The following ATF2 variants were observed in gnomAD, a reference collection of about 807,000 sequenced individuals.
ATF2 encodes the protein cyclic AMP-dependent transcription factor ATF-2.
ATF2 carries 24 observed loss-of-function variants against 60.6 expected under a neutral mutation model. That is an observed-to-expected ratio of 0.40 (90% confidence interval 0.29 to 0.56). ATF2 has a LOEUF of 0.56. Among genes scored for constraint, ATF2 ranks in the 20% least tolerant of loss-of-function variants. The pLI is 0.54. For synonymous variants in ATF2, 206 were observed against 215.4 expected (o/e 0.96, Z 0.38); for missense variants, 433 against 607.7 (o/e 0.71, Z 3.02).
chr2:175,141,084 TACAC>T (rs150440606), intron 2 of ATF2, among the ~76,000 whole-genome samples: 5 of 133,586 alleles, frequency 3.7e-5, no homozygotes, highest in Non-Finnish European at 6.3e-5. Context: ...TATATATGTA[TACAC>T]ACACACACAC....
intron 10 of ATF2, among the ~76,000 whole-genome samples, chr2:175,103,818 G>A (rs537076437): frequency 3.9e-4 from 60 of 152,172 alleles, no homozygotes; most frequent in Non-Finnish European, 6.6e-4. Context: ...TGTTTTATTA[G>A]AAGAGTAATA....
At chr2:175,163,637 T>C (rs1203778621) in intron 1 of ATF2, among the ~76,000 whole-genome samples, 1 of 137,310 alleles carries the variant, frequency 7.3e-6, no homozygotes, top group Non-Finnish European at 1.5e-5. Flanking sequence ...AAAAAATCAA[T>C]AAACATACTT....
chr2:175,138,770 CTA>C (rs2105774173), intron 2 of ATF2, among the ~76,000 whole-genome samples: 1 of 152,326 alleles, frequency 6.6e-6, no homozygotes, highest in African/African-American at 2.4e-5. Context: ...CTTCCACAAG[CTA>C]TGTTGTTTAT....
At chr2:175,110,368 A>G (rs191523230) in intron 10 of ATF2, among the ~76,000 whole-genome samples, 7 of 152,256 alleles carry the variant, frequency 4.6e-5, no homozygotes, top group Admixed American at 3.9e-4. Context: ...TCAGCTCTGC[A>G]ATATGTTTTA....
intron 4 of ATF2, among the ~76,000 whole-genome samples, chr2:175,127,624 T>C (rs1228868866): frequency 6.6e-6 from 1 of 152,202 alleles, no homozygotes; most frequent in African/African-American, 2.4e-5. Context: ...TCTCTGTTGG[T>C]CATTATATGC....
chr2:175,085,549 A>C (rs912264687), intron 12 of ATF2, among the ~76,000 whole-genome samples: 5 of 74,864 alleles, frequency 6.7e-5, no homozygotes, highest in African/African-American at 2.7e-4. Flanking sequence ...ATAAATACAT[A>C]ACATACACAC....
chr2:175,109,181 A>AT (rs1270043175), intron 10 of ATF2, among the ~76,000 whole-genome samples: 3 of 150,814 alleles, frequency 2.0e-5, no homozygotes, highest in East Asian at 3.9e-4. Context: ...AAAAAAAAAA[A>AT]AAAAAAAAAA....
chr2:175,120,562 A>G (rs1190973537), intron 5 of ATF2, among the ~76,000 whole-genome samples: 1 of 151,686 alleles, frequency 6.6e-6, no homozygotes, highest in Non-Finnish European at 1.5e-5. Flanking sequence ...TAATAATTTA[A>G]AAGTATTACA....
chr2:175,093,009 T>C, intron 12 of ATF2, 52 bp downstream of exon 12: 1 of 1,577,782 alleles, frequency 6.3e-7, no homozygotes, highest in African/African-American at 1.4e-5. Flanking sequence ...AAAATCTATG[T>C]TCACAATTAT....
intron 10 of ATF2, among the ~76,000 whole-genome samples, chr2:175,105,510 C>G (rs1318967773): frequency 6.6e-6 from 1 of 152,098 alleles, no homozygotes; most frequent in African/African-American, 2.4e-5. Flanking sequence ...TATTGAATTT[C>G]TTAGAACCCA....
At chr2:175,115,252 T>C (rs1256059003) in intron 7 of ATF2, among the ~76,000 whole-genome samples, 1 of 152,140 alleles carries the variant, frequency 6.6e-6, no homozygotes, top group Non-Finnish European at 1.5e-5. Flanking sequence ...TCCCTCATTA[T>C]ACTGTATGAA....
At position 175,084,919 on chromosome 2, in the gene ATF2, C is replaced by T. The variant is rs570494494; in HGVS notation, c.1186-4154G>A. 1.4e-4 allele frequency among the ~76,000 whole-genome samples: 21 copies of T among 151,994 alleles called. No individual in the cohort carries two copies. In the South Asian group the frequency reaches 3.9e-3, roughly 29 times the overall value. On this transcript the variant is annotated intron_variant, in intron 12 of 13. Coordinates refer to ENST00000264110, the MANE Select transcript of ATF2 (RefSeq NM_001880.4). ...GACAGACATATTTTAGAGAGGACCA[C>T]GTAATTCTATGTCTAGGAGGTAAAA...
In ATF2 at chr2:175,072,758, AAAT is replaced by A. The variant is rs1457047897; in HGVS notation, c.*1848_*1850del. ...ATGATTTGAAAAACTGATTACTTTA[AAAT>A]AATGAAATTAGTTAAAAATTAAAAA... On this transcript the variant is annotated 3_prime_UTR_variant, in exon 14 of 14. Transcript: ENST00000264110. 1 of 152,136 alleles carries A rather than the reference AAAT, an allele frequency of 6.6e-6. No homozygotes were observed. Among genetic ancestry groups the A allele is most frequent in the African/African-American group, 2.4e-5 (1 of 41,444 alleles). 9.4% of individuals were successfully genotyped at this position (152,136 alleles called of 1,614,324 possible). A position where few individuals can be genotyped will look rare whatever the true frequency, so the allele number is the denominator to read the frequency against.
At chr2:175,088,986 A>G (rs545372300) in intron 12 of ATF2, among the ~76,000 whole-genome samples, 4 of 152,256 alleles carry the variant, frequency 2.6e-5, no homozygotes, top group South Asian at 2.1e-4. Context: ...GTTCGAGACC[A>G]GCCTGACCAA....
At chr2:175,128,685 A>C (rs1697520720) in intron 4 of ATF2, among the ~76,000 whole-genome samples, 1 of 152,144 alleles carries the variant, frequency 6.6e-6, no homozygotes, top group South Asian at 2.1e-4. Context: ...TAAGAGGAAA[A>C]AAATTAATAC....
chr2:175,115,337 A>G (rs1696479843), intron 7 of ATF2, among the ~76,000 whole-genome samples: 1 of 152,172 alleles, frequency 6.6e-6, no homozygotes, highest in Admixed American at 6.5e-5. Flanking sequence ...TTAGAGCAAT[A>G]CAAATAATTG....
Position 175,130,614 on chromosome 2 carries a change from G to T in ATF2, c.33-407C>A, listed in dbSNP as rs116253118. On this transcript the variant is annotated intron_variant, in intron 3 of 13. Coordinates refer to ENST00000264110, the MANE Select transcript of ATF2 (RefSeq NM_001880.4). The stretch of plus-strand genomic sequence containing the variant: ...AGTCCTATATTCTAGTGGAATATTT[G>T]TATCTATTGGCTTAAACATTTCTAC... Among the ~76,000 whole-genome samples the T allele has an allele frequency of 5.1e-3, 769 of 152,214 alleles. 4 individuals are homozygous for T. Among genetic ancestry groups the T allele is most frequent in the African/African-American group, 0.017 (722 of 41,550 alleles).
In ATF2 at chr2:175,168,030, C is replaced by G. The variant is rs1472170078; in HGVS notation, c.-143+20G>C. ...CCCTACAGTCTCCAGCCCTGCTGACCTCTGCCCATCGTTACTCACCTTTCC... is the reference window on the plus strand; with the variant it reads ...CCCTACAGTCTCCAGCCCTGCTGACGTCTGCCCATCGTTACTCACCTTTCC... On this transcript the variant is annotated intron_variant, in intron 1 of 13. Transcript: ENST00000264110. 1 of 263,440 alleles carries G rather than the reference C, an allele frequency of 3.8e-6. No homozygotes were observed. Among genetic ancestry groups the G allele is most frequent in the Admixed American group, 4.4e-5 (1 of 22,524 alleles). 16.3% of individuals were successfully genotyped at this position (263,440 alleles called of 1,614,324 possible). A position where few individuals can be genotyped will look rare whatever the true frequency, so the allele number is the denominator to read the frequency against.
chr2:175,077,570 A>C (rs997508325), intron 13 of ATF2, among the ~76,000 whole-genome samples: 5 of 152,188 alleles, frequency 3.3e-5, no homozygotes, highest in Non-Finnish European at 5.9e-5. Context: ...ACCAGCTTTT[A>C]AAAATAAAGA....
Sources: allele counts gnomAD v4.1 joint callset (sites outside exome capture counted in the v4.1 genomes callset), GRCh38; gene constraint gnomAD v4.1.1; transcripts MANE v1.5; gene names NCBI Gene and HGNC (gene_info 2026-07-23, HGNC 2026-07-21).